NAALADL2: variants seen among roughly 807,000 people sequenced by gnomAD.
NAALADL2 encodes the protein inactive N-acetylated-alpha-linked acidic dipeptidase-like protein 2.
NAALADL2 carries 76 observed loss-of-function variants against 87.2 expected under a neutral mutation model. That is an observed-to-expected ratio of 0.87 (90% CI 0.72 to 1.05). The LOEUF is 1.05. NAALADL2 is among the 50% of genes least tolerant of loss of function. The probability of loss-of-function intolerance (pLI) is 0.00; values close to 1 mark genes in which losing one functional copy is unlikely to be tolerated. For synonymous variants in NAALADL2, 354 were observed against 331.0 expected (o/e 1.07, Z -0.75); for missense variants, 1,089 against 945.8 (o/e 1.15, Z -1.99).
chr3:174,813,690 G>C (rs956642677), intron 3 of NAALADL2, among the ~76,000 whole-genome samples: 4 of 151,922 alleles, frequency 2.6e-5, no homozygotes, highest in African/African-American at 9.7e-5. Flanking sequence ...GTTTTGCTAT[G>C]TTGCCCAGGC....
chr3:174,748,673 C>G (rs893871211), intron 3 of NAALADL2, among the ~76,000 whole-genome samples: 1 of 152,076 alleles, frequency 6.6e-6, no homozygotes, highest in Non-Finnish European at 1.5e-5. Flanking sequence ...TTACGAGAAT[C>G]TAGAAGATTA....
At chr3:174,591,865 A>G (rs1441423070) in intron 2 of NAALADL2, among the ~76,000 whole-genome samples, 2 of 151,938 alleles carry the variant, frequency 1.3e-5, no homozygotes, top group Non-Finnish European at 2.9e-5. Context: ...ATTTTTGTTT[A>G]TTTTTATAGT....
chr3:174,546,535 T>G (rs1269283573), intron 1 of NAALADL2, among the ~76,000 whole-genome samples: 1 of 152,200 alleles, frequency 6.6e-6, no homozygotes, highest in Non-Finnish European at 1.5e-5. Flanking sequence ...TGATACAAAC[T>G]GACATTTCTT....
At chr3:174,605,567 CA>C (rs1394706394) in intron 2 of NAALADL2, among the ~76,000 whole-genome samples, 1 of 152,164 alleles carries the variant, frequency 6.6e-6, no homozygotes, top group Non-Finnish European at 1.5e-5. Context: ...TGATTGCTAG[CA>C]CAGCAGTCTG....
chr3:175,379,365 T>G (rs1767521980), intron 5 of NAALADL2, among the ~76,000 whole-genome samples: 1 of 152,000 alleles, frequency 6.6e-6, no homozygotes, highest in Non-Finnish European at 1.5e-5. Flanking sequence ...ACTATCCATA[T>G]TCTCACTTCT....
intron 3 of NAALADL2, among the ~76,000 whole-genome samples, chr3:174,757,572 A>C (rs143301322): frequency 0.014 from 2,186 of 152,084 alleles, 14 homozygotes; most frequent in Middle Eastern, 0.02. Flanking sequence ...GCTCACTGCA[A>C]AGTCCGCCTC....
intron 2 of NAALADL2, among the ~76,000 whole-genome samples, chr3:174,606,625 G>T (rs1719096667): frequency 6.6e-6 from 1 of 152,102 alleles, no homozygotes; most frequent in Admixed American, 6.5e-5. Context: ...AGAGAAAAAA[G>T]AATAAAAAGA....
At chr3:175,045,886 T>A (rs1754605325) in intron 1 of NAALADL2, among the ~76,000 whole-genome samples, 1 of 152,164 alleles carries the variant, frequency 6.6e-6, no homozygotes, top group Non-Finnish European at 1.5e-5. Flanking sequence ...CAAGACTTTT[T>A]ACTATTCGAG....
At chr3:175,788,843 T>C (rs1451381624) in intron 13 of NAALADL2, among the ~76,000 whole-genome samples, 6 of 152,202 alleles carry the variant, frequency 3.9e-5, no homozygotes, top group African/African-American at 9.6e-5. Context: ...TAAAACTATA[T>C]AAACTTACAT....
intron 3 of NAALADL2, among the ~76,000 whole-genome samples, chr3:174,836,112 G>A (rs542677415): frequency 1.0e-3 from 156 of 152,286 alleles, no homozygotes; most frequent in South Asian, 3.5e-3. Flanking sequence ...ATTGATGGAT[G>A]AATAGATAAA....
chr3:175,266,650 A>G (rs79159655), intron 4 of NAALADL2, among the ~76,000 whole-genome samples: 5,187 of 151,840 alleles, frequency 0.034, 275 homozygotes, highest in African/African-American at 0.12. Context: ...ATTCTTATAC[A>G]AAGATAATTT....
chr3:175,334,368 C>T (rs1032038965), intron 5 of NAALADL2, among the ~76,000 whole-genome samples: 2 of 152,122 alleles, frequency 1.3e-5, no homozygotes, highest in African/African-American at 4.8e-5. Context: ...CTTTTTCCCT[C>T]TTCCCTATTT....
rs528199371 is a variant in NAALADL2 at position 174,894,502 on chromosome 3, G to A, written c.43+35052G>A. ...CCAGACACTTGGGAGGCTGAGGCAC[G>A]AGGATCGCTTGGACCTGGGAGGCGG... On this transcript the variant is annotated intron_variant, in intron 1 of 13. Coordinates refer to ENST00000454872, the MANE Select transcript of NAALADL2 (RefSeq NM_207015.3). Among the ~76,000 whole-genome samples, 26 of 150,168 alleles carry A rather than the reference G, an allele frequency of 1.7e-4. No homozygotes were observed. In the East Asian group the frequency reaches 4.6e-3, roughly 26 times the overall value.
intron 5 of NAALADL2, among the ~76,000 whole-genome samples, chr3:175,371,255 T>C (rs1252144359): frequency 6.6e-6 from 1 of 151,990 alleles, no homozygotes; most frequent in African/African-American, 2.4e-5. Context: ...ACTAATATTA[T>C]GGATGATATT....
At position 174,443,333 on chromosome 3, in the gene NAALADL2, A is replaced by C. The variant is rs537755563; in HGVS notation, c.-184+2301A>C. 2.0e-5 allele frequency among the ~76,000 whole-genome samples: 3 copies of C among 152,312 alleles called. No homozygotes were observed. In the South Asian group the frequency reaches 6.2e-4, roughly 32 times the overall value. On this transcript the variant is annotated intron_variant, in intron 1 of 3. Coordinates refer to the NAALADL2 transcript ENST00000434257. The stretch of plus-strand genomic sequence containing the variant: ...GTTCATATTCTGTATATATATTTTG[A>C]GGGTGTATTCCTCAGGGTTTGCTGA...
At chr3:175,790,193 A>G (rs922138581) in intron 13 of NAALADL2, among the ~76,000 whole-genome samples, 2 of 151,934 alleles carry the variant, frequency 1.3e-5, no homozygotes, top group African/African-American at 4.8e-5. Context: ...ATTACTATCA[A>G]TCAATAAAAT....
At chr3:174,514,654 T>G (rs1007712325) in intron 1 of NAALADL2, among the ~76,000 whole-genome samples, 2 of 152,160 alleles carry the variant, frequency 1.3e-5, no homozygotes, top group African/African-American at 2.4e-5. Flanking sequence ...TCTTTTTTCA[T>G]AGGAGTATAT....
At chr3:175,702,384 A>C (rs1274910971) in intron 11 of NAALADL2, among the ~76,000 whole-genome samples, 1 of 152,140 alleles carries the variant, frequency 6.6e-6, no homozygotes, top group Non-Finnish European at 1.5e-5. Context: ...TAAAAATGAT[A>C]ATTTTATTTT....
chr3:175,349,549 G>A (rs1326202951), intron 5 of NAALADL2, among the ~76,000 whole-genome samples: 2 of 152,118 alleles, frequency 1.3e-5, no homozygotes, highest in Admixed American at 6.6e-5. Flanking sequence ...TCTCCTATGC[G>A]GAGTTTTCCT....
Sources: gnomAD v4.1 joint callset for allele counts (sites outside exome capture counted in the v4.1 genomes callset) on GRCh38, gnomAD v4.1.1 for gene constraint, MANE v1.5 for transcripts, NCBI Gene and HGNC (gene_info 2026-07-23, HGNC 2026-07-21) for gene names.